GPC5: variants seen among roughly 807,000 people sequenced by gnomAD.
The protein encoded by GPC5 is glypican-5.
A neutral mutation model predicts 53.9 loss-of-function variants in GPC5; 47 were observed. The ratio of observed to expected loss-of-function variants is 0.87; its 90% CI spans 0.69 to 1.11. The LOEUF is 1.11. GPC5 is among the 50% of genes most tolerant of loss of function. The probability of loss-of-function intolerance (pLI) is 0.00; values close to 1 mark genes in which losing one functional copy is unlikely to be tolerated. For synonymous variants in GPC5, 286 were observed against 263.3 expected (o/e 1.09, Z -0.84); for missense variants, 748 against 713.1 (o/e 1.05, Z -0.56).
At chr13:91,765,135 A>G (rs1020478129) in intron 5 of GPC5, among the ~76,000 whole-genome samples, 1 of 152,206 alleles carries the variant, frequency 6.6e-6, no homozygotes, top group Non-Finnish European at 1.5e-5. Context: ...TAGACAGCCA[A>G]CTTCTGCTAC....
intron 6 of GPC5, among the ~76,000 whole-genome samples, chr13:92,025,113 T>C (rs2040790073): frequency 6.6e-6 from 1 of 152,182 alleles, no homozygotes; most frequent in South Asian, 2.1e-4. Flanking sequence ...CCTTTCTTTT[T>C]GTTTCTTTTT....
At chr13:91,935,190 T>C (rs1053091576) in intron 6 of GPC5, among the ~76,000 whole-genome samples, 2 of 152,012 alleles carry the variant, frequency 1.3e-5, no homozygotes, top group Non-Finnish European at 2.9e-5. Context: ...TATACTCTTA[T>C]GGATAAGAAT....
intron 6 of GPC5, among the ~76,000 whole-genome samples, chr13:92,052,357 C>T (rs528202198): frequency 2.7e-4 from 41 of 152,252 alleles, no homozygotes; most frequent in Admixed American, 1.4e-3. Context: ...AAAGGTGGCA[C>T]AGACCCAAAG....
chr13:91,740,030 C>T (rs776301573), intron 4 of GPC5, among the ~76,000 whole-genome samples: 1 of 151,648 alleles, frequency 6.6e-6, no homozygotes, highest in Non-Finnish European at 1.5e-5. Context: ...GAAATGCATG[C>T]TTCAGTGCTT....
intron 6 of GPC5, among the ~76,000 whole-genome samples, chr13:92,050,314 T>A (rs1234153012): frequency 6.6e-6 from 1 of 152,120 alleles, no homozygotes; most frequent in Non-Finnish European, 1.5e-5. Flanking sequence ...GCCTAGCTCT[T>A]CTCTATATTT....
chr13:91,703,155 A>G (rs960757420), intron 3 of GPC5, among the ~76,000 whole-genome samples: 5 of 151,998 alleles, frequency 3.3e-5, no homozygotes, highest in African/African-American at 1.2e-4. Flanking sequence ...TTTTATTTGG[A>G]TGCCTTTTAT....
intron 2 of GPC5, among the ~76,000 whole-genome samples, chr13:91,620,356 T>C (rs757724060): frequency 6.6e-6 from 1 of 152,136 alleles, no homozygotes; most frequent in Non-Finnish European, 1.5e-5. Context: ...CATGAGTCTA[T>C]GTGCTTTTAC....
intron 2 of GPC5, among the ~76,000 whole-genome samples, chr13:91,527,780 A>T (rs368516010): frequency 1.3e-5 from 2 of 152,074 alleles, no homozygotes; most frequent in African/African-American, 4.8e-5. Flanking sequence ...CTAAAGCTCA[A>T]CTCTTATCTT....
intron 5 of GPC5, among the ~76,000 whole-genome samples, chr13:91,829,010 AT>A (rs2038616672): frequency 6.6e-6 from 1 of 152,098 alleles, no homozygotes; most frequent in Non-Finnish European, 1.5e-5. Flanking sequence ...CTAATTATTT[AT>A]TAATTACCAA....
intron 4 of GPC5, among the ~76,000 whole-genome samples, chr13:91,732,082 G>T (rs372572305): frequency 6.6e-6 from 1 of 152,068 alleles, no homozygotes; most frequent in African/African-American, 2.4e-5. Context: ...TGGTATTTCT[G>T]GTTCTAGATC....
chr13:92,464,608 CT>C, intron 7 of GPC5, among the ~76,000 whole-genome samples: 1 of 152,056 alleles, frequency 6.6e-6, no homozygotes, highest in South Asian at 2.1e-4. Context: ...AATACCTTGA[CT>C]CAAGAATACC....
intron 7 of GPC5, among the ~76,000 whole-genome samples, chr13:92,698,958 A>G (rs1203627553): frequency 6.6e-6 from 1 of 151,928 alleles, no homozygotes; most frequent in Non-Finnish European, 1.5e-5. Context: ...TCATCAAATG[A>G]GTTAGGGATA....
At chr13:91,956,929 T>C (rs957980077) in intron 6 of GPC5, among the ~76,000 whole-genome samples, 4 of 151,924 alleles carry the variant, frequency 2.6e-5, no homozygotes, top group Non-Finnish European at 5.9e-5. Context: ...GCAAGGAAAT[T>C]CAACACCTCC....
chr13:92,150,722 TATTA>T (rs1742510349), intron 7 of GPC5, among the ~76,000 whole-genome samples: 1 of 152,058 alleles, frequency 6.6e-6, no homozygotes, highest in Non-Finnish European at 1.5e-5. Context: ...AGGGATGACT[TATTA>T]ATTAAGGCTT....
intron 7 of GPC5, among the ~76,000 whole-genome samples, chr13:92,424,005 GT>G (rs1183019664): frequency 1.5e-5 from 2 of 136,062 alleles, no homozygotes; most frequent in African/African-American, 5.9e-5. Flanking sequence ...TGTGTAATGA[GT>G]AAAAAAAATC....
chr13:92,613,368 T>A (rs1884519953), intron 7 of GPC5, among the ~76,000 whole-genome samples: 2 of 85,366 alleles, frequency 2.3e-5, no homozygotes, highest in African/African-American at 4.5e-5. Flanking sequence ...AATATATTTA[T>A]ATATAAATAT....
intron 7 of GPC5, among the ~76,000 whole-genome samples, chr13:92,550,658 T>C (rs1159586260): frequency 6.6e-6 from 1 of 151,868 alleles, no homozygotes; most frequent in Non-Finnish European, 1.5e-5. Context: ...TGTTTAGGTA[T>C]ACATGTTTGT....
At chr13:91,419,841 T>A (rs1878485742) in intron 1 of GPC5, among the ~76,000 whole-genome samples, 2 of 152,212 alleles carry the variant, frequency 1.3e-5, no homozygotes, top group South Asian at 4.1e-4. Context: ...TTTAGCAGGA[T>A]GTACCTAGTT....
intron 7 of GPC5, among the ~76,000 whole-genome samples, chr13:92,270,793 G>A (rs1288121274): frequency 6.6e-6 from 1 of 152,086 alleles, no homozygotes; most frequent in Non-Finnish European, 1.5e-5. Flanking sequence ...CCTTTTCTGG[G>A]CAGATCAAGA....
Sources: gnomAD v4.1 joint callset for allele counts (sites outside exome capture counted in the v4.1 genomes callset) on GRCh38, gnomAD v4.1.1 for gene constraint, MANE v1.5 for transcripts, NCBI Gene and HGNC (gene_info 2026-07-23, HGNC 2026-07-21) for gene names.